KIAA0232: variants seen among roughly 807,000 people sequenced by gnomAD.
KIAA0232 encodes the protein KIAA0232, also known as uncharacterized protein KIAA0232.
In KIAA0232, 27 loss-of-function variants were observed where a neutral mutation model predicts 122.0. The observed-to-expected ratio is 0.22, with a 90% confidence interval of 0.16 to 0.31. The LOEUF is 0.31. Ranked by LOEUF, KIAA0232 falls within the 10% of genes least tolerant of loss-of-function variation. KIAA0232 has a pLI of 1.00. For synonymous variants in KIAA0232, 613 were observed against 587.6 expected (o/e 1.04, Z -0.63); for missense variants, 1,551 against 1,634.2 (o/e 0.95, Z 0.88).
Position 6,861,290 on chromosome 4 carries a change from A to G in KIAA0232, c.908A>G (p.Gln303Arg). Reference protein sequence around the residue: ...SEAGSSSSGNQGELKASMKYV... With the variant: ...SEAGSSSSGNRGELKASMKYV... ...GCAGGCTCAAGTTCCAGTGGGAATC[A>G]GGGAGAATTAAAAGCATCCATGAAG... Residue 303 changes from glutamine (Q) to arginine (R), a missense_variant, in exon 7 of 10, where the codon CAG (glutamine) becomes CGG (arginine). Coordinates refer to ENST00000307659, the MANE Select transcript of KIAA0232 (RefSeq NM_014743.3). 6.2e-7 allele frequency: 1 copy of G among 1,614,172 alleles called. No homozygotes were observed. Among genetic ancestry groups the G allele is most frequent in the Non-Finnish European group, 8.5e-7 (1 of 1,180,044 alleles).
chr4:6,812,798 T>C (rs1334659780), intron 2 of KIAA0232, among the ~76,000 whole-genome samples: 1 of 152,204 alleles, frequency 6.6e-6, no homozygotes, highest in African/African-American at 2.4e-5. Flanking sequence ...GACTGTTTAC[T>C]GTCTGGTGCT....
rs200266262 is a variant in KIAA0232, at chr4:6,863,553, A to C, written c.3171A>C (p.Ser1057=). The change falls in exon 7 of 10, where the codon TCA becomes TCC. Residue 1057 remains serine, a synonymous_variant. Transcript: ENST00000307659. The stretch of plus-strand genomic sequence containing the variant: ...CACAAGTTCTTCATGTAGAATGCTC[A>C]TTTGAACCTGAAGGGATTGCATCTT... ...PFSQVLHVEC[S]FEPEGIASFS... is the part of the protein sequence containing the mutation. 175 of 1,614,224 alleles carry C rather than the reference A, an allele frequency of 1.1e-4. 2 individuals are homozygous for C. The African/African-American group carries it at 2.1e-3, about 20-fold the overall frequency.
rs751317647 is a variant in KIAA0232, at chr4:6,876,786, TA to T, written c.4008+31del. 2.0e-6 allele frequency: 3 copies of T among 1,488,666 alleles called. No individual in the cohort carries two copies. The East Asian group carries it at 6.8e-5, about 34-fold the overall frequency. The allele number at this position is 1,488,666 out of a possible 1,614,324, so 92.2% of individuals were successfully genotyped here. A position where few individuals can be genotyped will look rare whatever the true frequency, so the allele number is the denominator to read the frequency against. On this transcript the variant is annotated intron_variant, in intron 9 of 9. Coordinates refer to ENST00000307659, the MANE Select transcript of KIAA0232 (RefSeq NM_014743.3). ...AGTGGACTGTCCTCCTCCTCGTCATTAACTTACAAACAGCCACCACCTCCAG... is the reference window on the plus strand; with the variant it reads ...AGTGGACTGTCCTCCTCCTCGTCATTACTTACAAACAGCCACCACCTCCAG...
intron 1 of KIAA0232, among the ~76,000 whole-genome samples, chr4:6,787,610 T>C (rs1208122501): frequency 6.6e-6 from 1 of 152,246 alleles, no homozygotes; most frequent in Non-Finnish European, 1.5e-5. Context: ...TTTGCCTCCA[T>C]GAGTCTTTTC....
chr4:6,852,043 C>CT lies in KIAA0232; in HGVS notation c.370-5112dup, dbSNP rs201543630. ...ATTTTTTGTTGAAAACTTTAACCTT[C>CT]TTTTTTTTTCAGCATTCTAAAGAGT... On this transcript the variant is annotated intron_variant, in intron 4 of 9. Coordinates refer to ENST00000307659, the MANE Select transcript of KIAA0232 (RefSeq NM_014743.3). Among the ~76,000 whole-genome samples, 89 of 151,316 alleles carry CT rather than the reference C, an allele frequency of 5.9e-4. No individual in the cohort carries two copies. In the East Asian group the frequency reaches 0.013, roughly 23 times the overall value.
intron 1 of KIAA0232, among the ~76,000 whole-genome samples, chr4:6,786,935 C>T (rs550952801): frequency 1.9e-4 from 29 of 152,260 alleles, no homozygotes; most frequent in African/African-American, 6.7e-4. Flanking sequence ...GTAATTCCAG[C>T]ACCTTGGGAG....
At position 6,863,175 on chromosome 4, in the gene KIAA0232, A is replaced by C. The variant is rs946642080; in HGVS notation, c.2793A>C (p.Gly931=). ...AQDKENTFIL[G]GVYGELKTFN... ...ATAAAGAAAACACATTCATTCTTGG[A>C]GGAGTTTATGGAGAACTCAAAACCT... The change falls in exon 7 of 10, where the codon GGA becomes GGC. Residue 931 remains glycine (G), a synonymous_variant. Transcript: ENST00000307659. 17 of 1,613,960 alleles carry C rather than the reference A, an allele frequency of 1.1e-5. No homozygotes were observed. Among genetic ancestry groups the C allele is most frequent in the African/African-American group, 1.3e-5 (1 of 74,932 alleles).
chr4:6,848,662 T>A (rs936604098), intron 4 of KIAA0232, among the ~76,000 whole-genome samples: 1 of 152,226 alleles, frequency 6.6e-6, no homozygotes, highest in African/African-American at 2.4e-5. Context: ...CGACCCAATA[T>A]AGGGATGACT....
At chr4:6,810,800 CAT>C (rs1465009780) in intron 2 of KIAA0232, among the ~76,000 whole-genome samples, 1 of 152,138 alleles carries the variant, frequency 6.6e-6, no homozygotes, top group African/African-American at 2.4e-5. Context: ...TAAAAGAAGA[CAT>C]ACACATGGCC....
chr4:6,824,506 C>T lies in KIAA0232; in HGVS notation c.53C>T (p.Ser18Leu), dbSNP rs746061912. 9.9e-6 allele frequency: 16 copies of T among 1,614,102 alleles called. No individual in the cohort carries two copies. In the South Asian group the frequency reaches 1.6e-4, roughly 17 times the overall value. Reference protein sequence around the residue: ...VVDGLPSESSSSSYPGPVSVS... With the variant: ...VVDGLPSESSLSSYPGPVSVS... Reference sequence around the variant, plus strand: ...GATGGTTTGCCATCTGAAAGCTCCTCAAGTTCTTATCCAGGCCCTGTGTCT... The same window carrying T: ...GATGGTTTGCCATCTGAAAGCTCCTTAAGTTCTTATCCAGGCCCTGTGTCT... The change falls in exon 3 of 10, where the codon TCA (serine) becomes TTA (leucine). Residue 18 changes from serine to leucine, a missense_variant. Physicochemically the swap from Ser to Leu is moderately radical, Grantham distance 145. Coordinates refer to ENST00000307659, the MANE Select transcript of KIAA0232 (RefSeq NM_014743.3).
At chr4:6,834,147 AGT>A in intron 3 of KIAA0232, among the ~76,000 whole-genome samples, 1 of 152,268 alleles carries the variant, frequency 6.6e-6, no homozygotes, top group Non-Finnish European at 1.5e-5. Flanking sequence ...GCTGGAGTGC[AGT>A]GTTTCTCAGA....
At chr4:6,820,885 G>T (rs915668023) in intron 2 of KIAA0232, among the ~76,000 whole-genome samples, 8 of 152,192 alleles carry the variant, frequency 5.3e-5, no homozygotes, top group African/African-American at 1.9e-4. Flanking sequence ...CAAAAGCATG[G>T]CACTGGCCTG....
At chr4:6,838,727 CT>C (rs749354748) in intron 3 of KIAA0232, among the ~76,000 whole-genome samples, 25,434 of 108,268 alleles carry the variant, frequency 0.23, 1,870 homozygotes, top group African/African-American at 0.35. Flanking sequence ...TTCAAAGCAG[CT>C]TTTTTTTTTT....
At position 6,814,379 on chromosome 4, in the gene KIAA0232, G is replaced by GT. The variant is rs894516711; in HGVS notation, c.-270+9785dup. ...AATGAAGATGATCTCATAGTTGGTT[G>GT]TTTTTTTTTTTTAAGGATAGTAAAG... On this transcript the variant is annotated intron_variant, in intron 2 of 9. Transcript: ENST00000307659. 5.9e-3 allele frequency among the ~76,000 whole-genome samples: 821 copies of GT among 139,610 alleles called. 5 individuals are homozygous for GT. The highest frequency in any genetic ancestry group is 0.016 in the African/African-American group (598 of 38,478). The allele number at this position is 139,610 out of a possible 152,430, so 91.6% of individuals were successfully genotyped here. A position where few individuals can be genotyped will look rare whatever the true frequency, so the allele number is the denominator to read the frequency against.
chr4:6,819,607 C>G (rs759586671), intron 2 of KIAA0232, among the ~76,000 whole-genome samples: 2 of 152,148 alleles, frequency 1.3e-5, no homozygotes, highest in African/African-American at 4.8e-5. Flanking sequence ...AAAACAGATG[C>G]TAATGAGGCT....
intron 1 of KIAA0232, among the ~76,000 whole-genome samples, chr4:6,798,826 A>G (rs1717249476): frequency 1.3e-5 from 2 of 152,310 alleles, no homozygotes; most frequent in East Asian, 3.9e-4. Flanking sequence ...TGCTGGGATT[A>G]TAGGCGTGAG....
At chr4:6,795,468 A>G (rs185934861) in intron 1 of KIAA0232, among the ~76,000 whole-genome samples, 165 of 152,346 alleles carry the variant, frequency 1.1e-3, no homozygotes, top group African/African-American at 3.7e-3. Context: ...AAAAATTACA[A>G]TGTAACATAT....
intron 2 of KIAA0232, among the ~76,000 whole-genome samples, chr4:6,804,962 G>A (rs1236596984): frequency 7.7e-6 from 1 of 129,646 alleles, no homozygotes; most frequent in East Asian, 2.7e-4. Context: ...CTCCTTCTTG[G>A]AGGTTCCGGG....
At chr4:6,858,622 A>G (rs1053364287) in intron 6 of KIAA0232, 116 bp downstream of exon 6, 2 of 648,098 alleles carry the variant, frequency 3.1e-6, no homozygotes, top group African/African-American at 1.9e-5. Context: ...TATATAATGT[A>G]AGAAACATTT....
Sources: allele counts gnomAD v4.1 joint callset (sites outside exome capture counted in the v4.1 genomes callset), GRCh38; gene constraint gnomAD v4.1.1; transcripts MANE v1.5; gene names NCBI Gene and HGNC (gene_info 2026-07-23, HGNC 2026-07-21).